The following HOMER1 variants were observed in gnomAD, a reference collection of about 807,000 sequenced individuals.
The protein encoded by HOMER1 is homer scaffold protein 1.
HOMER1 carries 3 observed loss-of-function variants against 48.9 expected under a neutral mutation model. That is an observed-to-expected ratio of 0.06 (90% CI 0.03 to 0.16). The LOEUF is 0.16. HOMER1 is among the 10% of genes least tolerant of loss of function. HOMER1 has a pLI of 1.00. For missense variants in HOMER1, 247 were observed against 411.4 expected (o/e 0.60, Z 3.46); for synonymous variants, 134 against 146.4 (o/e 0.92, Z 0.61).
intron 2 of HOMER1, among the ~76,000 whole-genome samples, chr5:79,452,588 ATTTG>A (rs1242639762): frequency 2.0e-5 from 3 of 152,172 alleles, no homozygotes; most frequent in Admixed American, 6.5e-5. Context: ...ACAAAACTAA[ATTTG>A]TTTACCATGT....
At chr5:79,454,640 T>C (rs190154583) in intron 2 of HOMER1, among the ~76,000 whole-genome samples, 6 of 152,282 alleles carry the variant, frequency 3.9e-5, no homozygotes, top group Admixed American at 3.3e-4. Context: ...TTCAAGTAAA[T>C]ACATATTAGT....
In HOMER1 at chr5:79,376,205, A is replaced by G; in HGVS notation, c.877-8T>C. The G allele has an allele frequency of 6.2e-7, 1 of 1,606,018 alleles. No homozygotes were observed. Among genetic ancestry groups the G allele is most frequent in the South Asian group, 1.1e-5 (1 of 90,046 alleles). The stretch of plus-strand genomic sequence containing the variant: ...GTTCCGAATTTCTACTTCCTTCAGA[A>G]ACAAAAGTGTAACATGTATATATGT... On this transcript the variant is annotated splice_polypyrimidine_tract_variant and splice_region_variant and intron_variant, in intron 8 of 8. Coordinates refer to ENST00000334082, the MANE Select transcript of HOMER1 (RefSeq NM_004272.5).
chr5:79,463,691 C>T (rs914671375), intron 1 of HOMER1, among the ~76,000 whole-genome samples: 1 of 152,236 alleles, frequency 6.6e-6, no homozygotes, highest in Non-Finnish European at 1.5e-5. Context: ...ATACAAGCTA[C>T]ACACTGGTCA....
At chr5:79,382,693 A>G (rs926382754) in intron 8 of HOMER1, among the ~76,000 whole-genome samples, 2 of 152,244 alleles carry the variant, frequency 1.3e-5, no homozygotes, top group Non-Finnish European at 2.9e-5. Context: ...AAAGGATGAC[A>G]TTTTCCATCC....
intron 1 of HOMER1, among the ~76,000 whole-genome samples, chr5:79,500,434 T>C (rs1327796590): frequency 6.6e-6 from 1 of 152,102 alleles, no homozygotes; most frequent in East Asian, 1.9e-4. Flanking sequence ...AGGTAGCAGA[T>C]GAGTTCCCAG....
chr5:79,486,638 C>G (rs1266679150), intron 1 of HOMER1, among the ~76,000 whole-genome samples: 2 of 152,100 alleles, frequency 1.3e-5, no homozygotes, highest in African/African-American at 2.4e-5. Context: ...AGTTTAGTGA[C>G]CTACCCAAGA....
intron 1 of HOMER1, among the ~76,000 whole-genome samples, chr5:79,457,235 G>A (rs1330486446): frequency 6.6e-6 from 1 of 152,170 alleles, no homozygotes; most frequent in Non-Finnish European, 1.5e-5. Context: ...GTCTGTACAT[G>A]TGAATTCACC....
intron 8 of HOMER1, among the ~76,000 whole-genome samples, chr5:79,395,121 T>C (rs901538047): frequency 2.0e-5 from 3 of 152,232 alleles, no homozygotes; most frequent in Admixed American, 6.5e-5. Context: ...TTAACACCTT[T>C]GAACTGCTGT....
chr5:79,470,322 T>C (rs565765679), intron 1 of HOMER1, among the ~76,000 whole-genome samples: 1 of 152,328 alleles, frequency 6.6e-6, no homozygotes, highest in Non-Finnish European at 1.5e-5. Context: ...TGAGGACATA[T>C]ATCTTGTTCC....
intron 3 of HOMER1, among the ~76,000 whole-genome samples, chr5:79,448,101 T>A (rs1247377691): frequency 6.6e-6 from 1 of 152,192 alleles, no homozygotes; most frequent in Non-Finnish European, 1.5e-5. Context: ...ATTAAAGCCA[T>A]CATTATCACA....
At chr5:79,400,205 T>A (rs1241160890) in intron 6 of HOMER1, among the ~76,000 whole-genome samples, 1 of 152,150 alleles carries the variant, frequency 6.6e-6, no homozygotes, top group Non-Finnish European at 1.5e-5. Context: ...CTCCAGAACT[T>A]TTTTAACTTG....
intron 5 of HOMER1, among the ~76,000 whole-genome samples, chr5:79,408,262 A>G (rs1749719415): frequency 6.6e-6 from 1 of 152,212 alleles, no homozygotes; most frequent in South Asian, 2.1e-4. Flanking sequence ...GACAGTGTTG[A>G]AAGAAAACAA....
At chr5:79,464,542 T>C (rs1167443869) in intron 1 of HOMER1, among the ~76,000 whole-genome samples, 2 of 152,210 alleles carry the variant, frequency 1.3e-5, no homozygotes, top group Non-Finnish European at 2.9e-5. Flanking sequence ...AGCATGACTT[T>C]GGATGCAGCA....
intron 6 of HOMER1, among the ~76,000 whole-genome samples, chr5:79,398,773 A>G (rs1362278939): frequency 6.6e-6 from 1 of 152,150 alleles, no homozygotes; most frequent in Non-Finnish European, 1.5e-5. Context: ...CAAGATACTC[A>G]GTGAGTACTT....
intron 1 of HOMER1, among the ~76,000 whole-genome samples, chr5:79,485,401 G>A (rs1342005596): frequency 6.6e-6 from 1 of 152,138 alleles, no homozygotes; most frequent in Non-Finnish European, 1.5e-5. Context: ...TTTCTTCATC[G>A]CATCCTCACC....
At chr5:79,480,819 G>C (rs1486788252) in intron 1 of HOMER1, among the ~76,000 whole-genome samples, 1 of 152,058 alleles carries the variant, frequency 6.6e-6, no homozygotes, top group Non-Finnish European at 1.5e-5. Context: ...CTTGTATCTT[G>C]TGTTAGACAC....
chr5:79,396,776 G>T, intron 8 of HOMER1, 47 bp downstream of exon 8: 1 of 1,110,406 alleles, frequency 9.0e-7, no homozygotes. Flanking sequence ...GTGAAAAAAT[G>T]ATGCCTTTCT....
chr5:79,429,851 G>A (rs4334863), intron 5 of HOMER1, among the ~76,000 whole-genome samples: 41,028 of 151,918 alleles, frequency 0.27, 6,754 homozygotes, highest in East Asian at 0.75. Flanking sequence ...GTGAAACCCC[G>A]TCTCTACTAA....
At chr5:79,457,072 A>G (rs2112302963) in intron 1 of HOMER1, 54 bp from the exon 2 acceptor site, 2 of 1,529,912 alleles carry the variant, frequency 1.3e-6, no homozygotes, top group Non-Finnish European at 9.0e-7. Context: ...TTATTTCACT[A>G]GACAAGAGAA....
Sources: gnomAD v4.1 joint callset for allele counts (sites outside exome capture counted in the v4.1 genomes callset) on GRCh38, gnomAD v4.1.1 for gene constraint, MANE v1.5 for transcripts, NCBI Gene and HGNC (gene_info 2026-07-23, HGNC 2026-07-21) for gene names.